The following PLCL2 variants were observed in gnomAD, a reference collection of about 807,000 sequenced individuals.
PLCL2 encodes phospholipase C like 2, also known as inactive phospholipase C-like protein 2.
PLCL2 carries 4 observed loss-of-function variants against 79.6 expected under a neutral mutation model. That is an observed-to-expected ratio of 0.05 (90% CI 0.02 to 0.11). The LOEUF (loss-of-function observed/expected upper bound fraction) is 0.11. Ranked by LOEUF, PLCL2 falls within the 10% of genes least tolerant of loss-of-function variation. PLCL2 has a pLI of 1.00. For synonymous variants in PLCL2, 484 were observed against 457.7 expected, an observed-to-expected ratio of 1.06 and a Z score of -0.73; for missense variants, 895 against 1,291.0, an observed-to-expected ratio of 0.69 and a Z score of 4.70.
intron 1 of PLCL2, among the ~76,000 whole-genome samples, chr3:16,959,071 AC>A (rs1263128089): frequency 1.3e-5 from 2 of 152,050 alleles, no homozygotes; most frequent in Non-Finnish European, 2.9e-5. Context: ...TCCAGTGCTA[AC>A]CCCTTCACCT....
At chr3:17,070,386 T>C (rs1316761175) in intron 5 of PLCL2, among the ~76,000 whole-genome samples, 2 of 152,242 alleles carry the variant, frequency 1.3e-5, no homozygotes, top group South Asian at 2.1e-4. Context: ...ATAGATACAC[T>C]GAAGAAACCT....
chr3:16,976,155 TAGTC>T (rs1243194067), intron 1 of PLCL2, among the ~76,000 whole-genome samples: 12 of 152,170 alleles, frequency 7.9e-5, no homozygotes, highest in African/African-American at 2.2e-4. Context: ...ACAATTGTAT[TAGTC>T]AGAGTTCTAC....
At chr3:16,965,827 G>A (rs1365815185) in intron 1 of PLCL2, among the ~76,000 whole-genome samples, 1 of 151,154 alleles carries the variant, frequency 6.6e-6, no homozygotes, top group Non-Finnish European at 1.5e-5. Context: ...CTGTTTGTCT[G>A]TTATTGGTGT....
intron 4 of PLCL2, among the ~76,000 whole-genome samples, chr3:17,063,648 C>T (rs912711728): frequency 1.3e-5 from 2 of 152,000 alleles, no homozygotes; most frequent in Non-Finnish European, 2.9e-5. Context: ...GCTGCCTGTC[C>T]CCACCATTCT....
At chr3:16,928,522 A>C (rs1302217358) in intron 1 of PLCL2, among the ~76,000 whole-genome samples, 1 of 152,194 alleles carries the variant, frequency 6.6e-6, no homozygotes, top group Non-Finnish European at 1.5e-5. Flanking sequence ...CAAGAAGGAC[A>C]TAGGAGAAAG....
At chr3:16,930,963 A>G (rs892228649) in intron 1 of PLCL2, among the ~76,000 whole-genome samples, 5 of 151,896 alleles carry the variant, frequency 3.3e-5, no homozygotes, top group African/African-American at 1.2e-4. Flanking sequence ...TCAGTCTTCT[A>G]TTTTTTCCTC....
chr3:17,012,951 A>T (rs2064342516), intron 2 of PLCL2, among the ~76,000 whole-genome samples: 1 of 152,242 alleles, frequency 6.6e-6, no homozygotes, highest in Non-Finnish European at 1.5e-5. Flanking sequence ...ATTATATTTT[A>T]AAATGACCAA....
chr3:17,050,656 G>A (rs1359190074), intron 4 of PLCL2, among the ~76,000 whole-genome samples: 3 of 152,236 alleles, frequency 2.0e-5, no homozygotes, highest in East Asian at 1.9e-4. Flanking sequence ...AAATTCTGGC[G>A]AGGCTGTGGA....
At chr3:17,070,865 C>T (rs985555947) in intron 5 of PLCL2, among the ~76,000 whole-genome samples, 3 of 151,910 alleles carry the variant, frequency 2.0e-5, no homozygotes, top group Non-Finnish European at 4.4e-5. Flanking sequence ...CAGATGACCC[C>T]GGAAATGCAG....
At chr3:16,942,667 T>A (rs1039094161) in intron 1 of PLCL2, among the ~76,000 whole-genome samples, 1 of 152,248 alleles carries the variant, frequency 6.6e-6, no homozygotes, top group Admixed American at 6.5e-5. Context: ...TTGTTCTTAA[T>A]ACTTTTATTG....
At chr3:17,001,502 CTT>C (rs1266279191) in intron 1 of PLCL2, among the ~76,000 whole-genome samples, 1 of 152,086 alleles carries the variant, frequency 6.6e-6, no homozygotes, top group Non-Finnish European at 1.5e-5. Flanking sequence ...ACATTTAAGT[CTT>C]TAATCCATTT....
intron 3 of PLCL2, among the ~76,000 whole-genome samples, chr3:17,034,263 T>A (rs543218368): frequency 6.6e-6 from 1 of 152,158 alleles, no homozygotes. Context: ...GAGTGTGCCC[T>A]GCGATGGGAT....
At chr3:16,931,872 G>C (rs549236447) in intron 1 of PLCL2, among the ~76,000 whole-genome samples, 1 of 152,138 alleles carries the variant, frequency 6.6e-6, no homozygotes, top group Non-Finnish European at 1.5e-5. Context: ...TTCATACATT[G>C]AGATACAATC....
chr3:16,940,684 G>A (rs1393727515), intron 1 of PLCL2, among the ~76,000 whole-genome samples: 1 of 152,186 alleles, frequency 6.6e-6, no homozygotes, highest in Non-Finnish European at 1.5e-5. Context: ...CTTGGCATCA[G>A]ATAGGATAGA....
At chr3:16,922,155 T>C (rs941167477) in intron 1 of PLCL2, among the ~76,000 whole-genome samples, 3 of 152,198 alleles carry the variant, frequency 2.0e-5, no homozygotes, top group Non-Finnish European at 2.9e-5. Flanking sequence ...TCTGCAGTTT[T>C]TGTTATGTTA....
intron 1 of PLCL2, among the ~76,000 whole-genome samples, chr3:16,915,360 T>C (rs982969635): frequency 6.6e-6 from 1 of 152,202 alleles, no homozygotes; most frequent in Admixed American, 6.5e-5. Flanking sequence ...GGTACTAATA[T>C]ACACACATTC....
chr3:17,049,210 T>G (rs2064813985), intron 4 of PLCL2, among the ~76,000 whole-genome samples: 1 of 152,164 alleles, frequency 6.6e-6, no homozygotes, highest in South Asian at 2.1e-4. Context: ...AGTCATTATA[T>G]GACAATTTAA....
intron 3 of PLCL2, among the ~76,000 whole-genome samples, chr3:17,039,026 A>G (rs2064690518): frequency 1.3e-5 from 2 of 152,252 alleles, no homozygotes; most frequent in Admixed American, 1.3e-4. Context: ...TGTAAAACTA[A>G]CCTCATAATT....
chr3:17,084,622 A>G (rs2065197645), intron 5 of PLCL2, among the ~76,000 whole-genome samples: 2 of 152,228 alleles, frequency 1.3e-5, no homozygotes, highest in Admixed American at 1.3e-4. Flanking sequence ...GGTTGATTTA[A>G]CTTTTGAAAA....
Sources: gnomAD v4.1 joint callset for allele counts (sites outside exome capture counted in the v4.1 genomes callset) on GRCh38, gnomAD v4.1.1 for gene constraint, MANE v1.5 for transcripts, NCBI Gene and HGNC (gene_info 2026-07-23, HGNC 2026-07-21) for gene names.